The following TRIP12 variants were observed in gnomAD, a reference collection of about 807,000 sequenced individuals.
The protein encoded by TRIP12 is E3 ubiquitin-protein ligase TRIP12.
Under a neutral mutation model 244.2 loss-of-function variants are expected in TRIP12, and 25 were observed. That is an observed-to-expected ratio of 0.10 (90% CI 0.07 to 0.14). TRIP12 has a LOEUF of 0.14. TRIP12 is among the 10% of genes least tolerant of loss of function. The probability of loss-of-function intolerance (pLI) is 1.00; values close to 1 mark genes in which losing one functional copy is unlikely to be tolerated. For synonymous variants in TRIP12, 905 were observed against 873.1 expected, an observed-to-expected ratio of 1.04 and a Z score of -0.64; for missense variants, 1,677 against 2,486.4, an observed-to-expected ratio of 0.67 and a Z score of 6.92.
At chr2:229,786,324 G>C (rs1574971524) in intron 33 of TRIP12, among the ~76,000 whole-genome samples, 1 of 151,836 alleles carries the variant, frequency 6.6e-6, no homozygotes, top group South Asian at 2.1e-4. Flanking sequence ...GATTTTAAAA[G>C]GTCCTGCTAG....
At position 229,803,423 on chromosome 2, in the gene TRIP12, C is replaced by T. The variant is rs76463654; in HGVS notation, c.2998+148G>A. 1,141 of 510,726 alleles carry T rather than the reference C, an allele frequency of 2.2e-3. 8 individuals are homozygous for T. Among genetic ancestry groups the T allele is most frequent in the African/African-American group, 0.02 (973 of 49,788 alleles). 31.6% of individuals were successfully genotyped at this position (510,726 alleles called of 1,614,324 possible). A position where few individuals can be genotyped will look rare whatever the true frequency, so the allele number is the denominator to read the frequency against. ...GCCACCACGCCCAGCCTAAAAGACA[C>T]ATTCTACGTACACAGAGCTATAAGC... On this transcript the variant is annotated intron_variant, in intron 20 of 41. Coordinates refer to ENST00000675903, the MANE Select transcript of TRIP12 (RefSeq NM_001348323.3).
chr2:229,816,576 G>A (rs993525694), intron 9 of TRIP12, among the ~76,000 whole-genome samples: 15 of 152,248 alleles, frequency 9.9e-5, no homozygotes, highest in Admixed American at 6.5e-4. Flanking sequence ...AGATATATCT[G>A]AAGAACTCAT....
In TRIP12 at chr2:229,803,688, G is replaced by T; in HGVS notation, c.2881C>A (p.His961Asn). 1 of 1,589,288 alleles carries T rather than the reference G, an allele frequency of 6.3e-7. No individual in the cohort carries two copies. The highest frequency in any genetic ancestry group is 2.2e-5 in the East Asian group (1 of 44,504). The change falls in exon 20 of 42, where the codon CAC becomes AAC. Residue 961 changes from histidine to asparagine, a missense_variant and splice_region_variant. This residue lies in a region of TRIP12 where 572 missense variants were observed against 867.8 expected (regional missense o/e 0.66). Transcript: ENST00000675903. ...DVLKNHAVSS[H>N]IASMLSSQDL... ...TGGCTTGACAGCATGGAAGCAATGT[G>T]ACTAAAAAAAGAAAGCATTTGTATA...
At position 229,855,613 on chromosome 2, in the gene TRIP12, AAAAAAAAAAAAG is replaced by A. The variant is rs971272155; in HGVS notation, c.1027+3147_1027+3158del. On this transcript the variant is annotated intron_variant, in intron 4 of 41. Transcript: ENST00000675903. ...AAACTAACAAGGGTTTAAAAAAAAA[AAAAAAAAAAAAG>A]AGAAAAGAAAATGCTTCATTCAAGG... Among the ~76,000 whole-genome samples the A allele has an allele frequency of 8.5e-4, 103 of 121,358 alleles. 1 individual carries two copies. The highest frequency in any genetic ancestry group is 2.6e-3 in the African/African-American group (99 of 37,950). 79.6% of individuals were successfully genotyped at this position (121,358 alleles called of 152,430 possible).
chr2:229,811,093 T>C, intron 14 of TRIP12, 43 bp downstream of exon 14: 2 of 1,613,534 alleles, frequency 1.2e-6, no homozygotes, highest in Non-Finnish European at 1.7e-6. Context: ...GATTCAGCAA[T>C]TCAACAACCT....
intron 4 of TRIP12, among the ~76,000 whole-genome samples, chr2:229,855,238 G>A (rs2059389568): frequency 6.6e-6 from 1 of 152,170 alleles, no homozygotes; most frequent in Non-Finnish European, 1.5e-5. Context: ...CTGCATTCCA[G>A]CCTGCGCAAC....
chr2:229,843,835 TTACAC>T (rs541736798), intron 4 of TRIP12, among the ~76,000 whole-genome samples: 81 of 151,604 alleles, frequency 5.3e-4, no homozygotes, highest in African/African-American at 1.7e-3. Flanking sequence ...AGGCCATAGA[TTACAC>T]TACTGCACTC....
intron 1 of TRIP12, among the ~76,000 whole-genome samples, chr2:229,895,275 A>G (rs2068493583): frequency 6.6e-6 from 1 of 152,210 alleles, no homozygotes; most frequent in African/African-American, 2.4e-5. Flanking sequence ...AGCAAAGTGG[A>G]AGACAGAAGG....
intron 20 of TRIP12, 101 bp from the exon 21 acceptor site, chr2:229,802,560 CAA>C (rs1300067934): frequency 8.7e-6 from 7 of 801,860 alleles, no homozygotes; most frequent in Non-Finnish European, 1.3e-5. Flanking sequence ...ACATAATACA[CAA>C]AAAGACTAAA....
chr2:229,808,238 A>G lies in TRIP12; in HGVS notation c.2339+14T>C. 1 of 1,589,264 alleles carries G rather than the reference A, an allele frequency of 6.3e-7. No individual in the cohort carries two copies. Among genetic ancestry groups the G allele is most frequent in the Non-Finnish European group, 8.6e-7 (1 of 1,157,980 alleles). ...GCCTTGGCCTCCCAAAGTGATATTT[A>G]GCCCAATCTTTACCAAATCAGAGAT... On this transcript the variant is annotated intron_variant, in intron 16 of 41. Transcript: ENST00000675903.
rs2064709742 is a variant in TRIP12, at chr2:229,880,873, G to A, written c.-49-745C>T. ...GCAGGAGAATCGCTCGAACCCGGGA[G>A]GCAGGGGTTGCAGTGAGCCTAGATC... On this transcript the variant is annotated intron_variant, in intron 1 of 41. Transcript: ENST00000675903. 2.0e-5 allele frequency among the ~76,000 whole-genome samples: 3 copies of A among 152,316 alleles called. No individual in the cohort carries two copies. The South Asian group carries it at 6.2e-4, about 32-fold the overall frequency.
chr2:229,886,462 T>C (rs1028461251), intron 1 of TRIP12, among the ~76,000 whole-genome samples: 1 of 150,520 alleles, frequency 6.6e-6, no homozygotes. Flanking sequence ...CATGTAAAAA[T>C]AGCATTTTTT....
At chr2:229,842,735 T>C (rs933321091) in intron 4 of TRIP12, among the ~76,000 whole-genome samples, 6 of 152,212 alleles carry the variant, frequency 3.9e-5, no homozygotes, top group Admixed American at 3.9e-4. Flanking sequence ...TGCATCTATT[T>C]AGTGACATTA....
chr2:229,904,621 T>C (rs1269142151), intron 1 of TRIP12, among the ~76,000 whole-genome samples: 2 of 152,112 alleles, frequency 1.3e-5, no homozygotes, highest in Non-Finnish European at 1.5e-5. Flanking sequence ...AAAATGTTTA[T>C]AGTGGTTATA....
At chr2:229,783,791 A>C (rs952856915) in intron 34 of TRIP12, among the ~76,000 whole-genome samples, 17 of 151,220 alleles carry the variant, frequency 1.1e-4, no homozygotes, top group African/African-American at 4.1e-4. Flanking sequence ...TAAAAGTTGA[A>C]AATAACCAAA....
At chr2:229,843,982 A>C (rs2154315873) in intron 4 of TRIP12, among the ~76,000 whole-genome samples, 1 of 152,286 alleles carries the variant, frequency 6.6e-6, no homozygotes, top group African/African-American at 2.4e-5. Flanking sequence ...GATTTATTCA[A>C]AGTTCAAGGT....
At chr2:229,782,942 A>G (rs1470255141) in intron 34 of TRIP12, among the ~76,000 whole-genome samples, 2 of 152,214 alleles carry the variant, frequency 1.3e-5, no homozygotes, top group African/African-American at 4.8e-5. Flanking sequence ...CAAAAAAATT[A>G]GGTGAAAGAA....
chr2:229,812,120 G>A (rs899018742), intron 13 of TRIP12, among the ~76,000 whole-genome samples: 7 of 151,804 alleles, frequency 4.6e-5, no homozygotes, highest in Non-Finnish European at 8.8e-5. Context: ...ACAGAGTTTC[G>A]CTCTTGTTAC....
At chr2:229,795,756 A>T (rs2042649280) in intron 25 of TRIP12, among the ~76,000 whole-genome samples, 1 of 152,256 alleles carries the variant, frequency 6.6e-6, no homozygotes, top group African/African-American at 2.4e-5. Context: ...GAAACCGACC[A>T]AACTCCAGGG....
Sources: gnomAD v4.1 joint callset for allele counts (sites outside exome capture counted in the v4.1 genomes callset) on GRCh38, gnomAD v4.1.1 for gene constraint, gnomAD v4.1.1 regional missense constraint, MANE v1.5 for transcripts, NCBI Gene and HGNC (gene_info 2026-07-23, HGNC 2026-07-21) for gene names.